Variants in NOTUM observed in about 807,000 individuals in gnomAD.
The protein encoded by NOTUM is notum, palmitoleoyl-protein carboxylesterase.
NOTUM carries 36 observed loss-of-function variants against 65.5 expected under a neutral mutation model. The observed-to-expected ratio is 0.55, with a 90% CI of 0.42 to 0.73. The LOEUF is 0.73. Among genes scored for constraint, NOTUM ranks in the 30% least tolerant of loss-of-function variants. NOTUM has a pLI of 0.00. For synonymous variants in NOTUM, 356 were observed against 297.9 expected, an observed-to-expected ratio of 1.20 and a Z score of -2.01; for missense variants, 659 against 694.2, an observed-to-expected ratio of 0.95 and a Z score of 0.57.
Position 81,959,517 on chromosome 17 carries a change from G to A in NOTUM, c.426C>T (p.Thr142=), listed in dbSNP as rs2041458120. 2 of 1,549,152 alleles carry A rather than the reference G, an allele frequency of 1.3e-6. No homozygotes were observed. The highest frequency in any genetic ancestry group is 1.7e-6 in the Non-Finnish European group (2 of 1,146,570). The change falls in exon 3 of 11, where the codon ACC becomes ACT. Residue 142 remains threonine (T), a synonymous_variant. Coordinates refer to ENST00000409678, the MANE Select transcript of NOTUM (RefSeq NM_178493.6). ...CCCGGGAGCTCATGAGGCGCCGCAT[G>A]GTGTCGTATCTGGAGTCGCAGTTCT... ...NRENCDSRYD[T]MRRLMSSRDW...
Position 81,960,374 on chromosome 17 carries a change from GT to G in NOTUM, c.323+212del, listed in dbSNP as rs2041465437. On this transcript the variant is annotated intron_variant, in intron 1 of 10. Coordinates refer to ENST00000409678, the MANE Select transcript of NOTUM (RefSeq NM_178493.6). This position sits in a 1 kb window ranked among gnomAD's most constrained non-coding sequence, Gnocchi z 6.4. ...GCTGGGCCCAGAGGCCGAGGGGTCA[GT>G]GCCCGAGCTGGCCGGGGACCAGCCC... 6.6e-6 allele frequency among the ~76,000 whole-genome samples: 1 copy of G among 152,216 alleles called. No homozygotes were observed. The highest frequency in any genetic ancestry group is 1.5e-5 in the Non-Finnish European group (1 of 68,032).
At chr17:81,957,995 G>T in intron 5 of NOTUM, 87 bp from the exon 6 acceptor site, 1 of 966,600 alleles carries the variant, frequency 1.0e-6, no homozygotes, top group Non-Finnish European at 1.6e-6. Context: ...AGAAGTTCTT[G>T]CCCCACTGGG....
Position 81,960,876 on chromosome 17 carries a change from T to TCAGCAG in NOTUM, c.28_33dup (p.Leu10_Leu11dup). Reference sequence around the variant, plus strand: ...CTGCCCCCGGCGCAGTGCAGCAGGCTCAGCAGCAGCAGCACGCGCACCCCT... The same window carrying TCAGCAG: ...CTGCCCCCGGCGCAGTGCAGCAGGCTCAGCAGCAGCAGCAGCAGCACGCGCACCCCT... On this transcript the variant is annotated inframe_insertion, in exon 1 of 11. Coordinates refer to ENST00000409678, the MANE Select transcript of NOTUM (RefSeq NM_178493.6). The surrounding 1 kb of genome is among the most constrained non-coding windows in gnomAD (Gnocchi z 6.4). The TCAGCAG allele has an allele frequency of 7.1e-7, 1 of 1,401,582 alleles. No homozygotes were observed. The allele number at this position is 1,401,582 out of a possible 1,614,324, so 86.8% of individuals were successfully genotyped here. A position where few individuals can be genotyped will look rare whatever the true frequency, so the allele number is the denominator to read the frequency against.
intron 3 of NOTUM, chr17:81,959,264 G>A: frequency 1.6e-6 from 1 of 610,784 alleles, no homozygotes. Context: ...CCCTGGGGAG[G>A]GCCAGAGCCG....
At chr17:81,955,617 C>T in intron 8 of NOTUM, 73 bp from the exon 9 acceptor site, 1 of 1,453,678 alleles carries the variant, frequency 6.9e-7, no homozygotes, top group South Asian at 1.2e-5. Flanking sequence ...CACAGCTCAG[C>T]ACCCCCAGGC....
rs1291226457 is a variant in NOTUM, at chr17:81,957,796, C to T, written c.695+10G>A. 2 of 1,587,968 alleles carry T rather than the reference C, an allele frequency of 1.3e-6. No individual in the cohort carries two copies. The highest frequency in any genetic ancestry group is 1.8e-5 in the Admixed American group (1 of 57,062). ...ACCCCTCACCTCCAGCCCTGCCCCGCCCTGCCCACCTGCTCCCGGCCAGCA... is the reference window on the plus strand; with the variant it reads ...ACCCCTCACCTCCAGCCCTGCCCCGTCCTGCCCACCTGCTCCCGGCCAGCA... On this transcript the variant is annotated intron_variant, in intron 6 of 10. Coordinates refer to ENST00000409678, the MANE Select transcript of NOTUM (RefSeq NM_178493.6).
At chr17:81,956,838 G>A (rs1042928953) in intron 7 of NOTUM, 45 bp downstream of exon 7, 22 of 1,596,798 alleles carry the variant, frequency 1.4e-5, no homozygotes, top group Non-Finnish European at 1.9e-5. Context: ...AGGCCCTTCT[G>A]GGGCAAAGCT....
intron 4 of NOTUM, 99 bp from the exon 5 acceptor site, chr17:81,958,492 G>A (rs547012154): frequency 3.7e-6 from 3 of 801,786 alleles, no homozygotes; most frequent in African/African-American, 3.4e-5. Context: ...ACCATCCCAG[G>A]ACAGGATTCC....
chr17:81,959,711 C>A lies in NOTUM; in HGVS notation c.324-19G>T. 7.0e-7 allele frequency: 1 copy of A among 1,430,296 alleles called. No homozygotes were observed. Among genetic ancestry groups the A allele is most frequent in the Non-Finnish European group, 9.2e-7 (1 of 1,086,690 alleles). 88.6% of individuals were successfully genotyped at this position (1,430,296 alleles called of 1,614,324 possible). A position where few individuals can be genotyped will look rare whatever the true frequency, so the allele number is the denominator to read the frequency against. ...GTAGTAGCTGCGGGGGAGGACGCAC[C>A]GCGGGGGGTCGGCCAGGGCTGCCGA... On this transcript the variant is annotated intron_variant, in intron 1 of 10. Transcript: ENST00000409678.
At chr17:81,959,617 C>G (rs946328148) in intron 2 of NOTUM, 23 bp downstream of exon 2, 1 of 1,545,916 alleles carries the variant, frequency 6.5e-7, no homozygotes, top group Non-Finnish European at 8.7e-7. Flanking sequence ...CCCGGCCTCC[C>G]CCCGCCTCAG....
At position 81,961,044 on chromosome 17, in the gene NOTUM, G is replaced by GACGCGC; in HGVS notation, c.-136_-135insGCGCGT. ...TGCTCCCTCGCCCCCGCTCCCGCCCGCCGGGCCTGGCGGAGAAGGCGCGCG... is the reference window on the plus strand; with the variant it reads ...TGCTCCCTCGCCCCCGCTCCCGCCCGACGCGCCCGGGCCTGGCGGAGAAGGCGCGCG... On this transcript the variant is annotated 5_prime_UTR_variant, in exon 1 of 11. Transcript: ENST00000409678. 1 of 286,528 alleles carries GACGCGC rather than the reference G, an allele frequency of 3.5e-6. No individual in the cohort carries two copies. The allele number at this position is 286,528 out of a possible 1,614,324, so 17.7% of individuals were successfully genotyped here.
chr17:81,955,378 C>T lies in NOTUM; in HGVS notation c.1136+19G>A. The T allele has an allele frequency of 6.5e-7, 1 of 1,546,634 alleles. No individual in the cohort carries two copies. The highest frequency in any genetic ancestry group is 8.8e-7 in the Non-Finnish European group (1 of 1,140,258). ...GAGGGAGCTACCCGGCGTGGGGCTC[C>T]CGGGGCCCACACACTCACGGCACGT... On this transcript the variant is annotated intron_variant, in intron 9 of 10. Coordinates refer to ENST00000409678, the MANE Select transcript of NOTUM (RefSeq NM_178493.6).
intron 1 of NOTUM, 72 bp from the exon 2 acceptor site, chr17:81,959,764 G>T: frequency 1.0e-6 from 1 of 967,686 alleles, no homozygotes; most frequent in Non-Finnish European, 1.4e-6. Flanking sequence ...GCCCAGCTCC[G>T]GCGGAGGGAA....
chr17:81,960,652 G>T lies in NOTUM; in HGVS notation c.258C>A (p.Asn86Lys). The T allele has an allele frequency of 6.3e-7, 1 of 1,579,816 alleles. No individual in the cohort carries two copies. Among genetic ancestry groups the T allele is most frequent in the Non-Finnish European group, 8.6e-7 (1 of 1,161,832 alleles). Residue 86 changes from asparagine (N) to lysine (K), a missense_variant, in exon 1 of 11, where the codon AAC (asparagine) becomes AAA (lysine). Transcript: ENST00000409678. The surrounding 1 kb of genome is among the most constrained non-coding windows in gnomAD (Gnocchi z 6.4). ...SLYPCSAQQL[N>K]EDLRLHLLLN... Reference sequence around the variant, plus strand: ...GTAGGAGGTGCAGGCGCAGGTCCTCGTTGAGCTGCTGCGCGGAGCAGGGGT... The same window carrying T: ...GTAGGAGGTGCAGGCGCAGGTCCTCTTTGAGCTGCTGCGCGGAGCAGGGGT...
At chr17:81,958,205 G>A (rs1045310097) in intron 5 of NOTUM, 130 bp downstream of exon 5, 2 of 696,486 alleles carry the variant, frequency 2.9e-6, no homozygotes, top group Non-Finnish European at 5.1e-6. Context: ...GCACGACAAG[G>A]CTGAGAGTCA....
At chr17:81,958,459 C>A in intron 4 of NOTUM, 66 bp from the exon 5 acceptor site, 1 of 1,044,728 alleles carries the variant, frequency 9.6e-7, no homozygotes, top group Non-Finnish European at 1.5e-6. Flanking sequence ...GAAAGGACCC[C>A]CAGAACAGGA....
rs755956448 is a variant in NOTUM, at chr17:81,955,534, G to C, written c.999C>G (p.Phe333Leu). 1.2e-6 allele frequency: 2 copies of C among 1,610,524 alleles called. No individual in the cohort carries two copies. The highest frequency in any genetic ancestry group is 2.2e-5 in the East Asian group (1 of 44,814). ...CCTCGTCAAACAGCCACTGCACCAC[G>C]AACACAGGGCCTGCGGGCGGCGGGG... ...KVYPTLRCPV[F>L]VVQWLFDEAQ... The change falls in exon 9 of 11, where the codon TTC (phenylalanine) becomes TTG (leucine). Residue 333 changes from phenylalanine (F) to leucine (L), a missense_variant. By Grantham distance (22) the Phe-to-Leu change is conservative (BLOSUM62 0). Transcript: ENST00000409678.
rs1448000613 is a variant in NOTUM at position 81,961,138 on chromosome 17, G to T, written c.-229C>A. On this transcript the variant is annotated 5_prime_UTR_variant, in exon 1 of 11. Coordinates refer to ENST00000409678, the MANE Select transcript of NOTUM (RefSeq NM_178493.6). ...CGCAGCTGGGGCTCCGCGCCCGGCC[G>T]TCCGAGGGCAGCGCAGGGTCTGGGT... 6.6e-6 allele frequency: 1 copy of T among 150,468 alleles called. No homozygotes were observed. The highest frequency in any genetic ancestry group is 1.5e-5 in the Non-Finnish European group (1 of 68,308). The allele number at this position is 150,468 out of a possible 1,614,324, so 9.3% of individuals were successfully genotyped here. A position where few individuals can be genotyped will look rare whatever the true frequency, so the allele number is the denominator to read the frequency against.
At position 81,954,196 on chromosome 17, in the gene NOTUM, G is replaced by A; in HGVS notation, c.1184+60C>T. 5 of 1,240,918 alleles carry A rather than the reference G, an allele frequency of 4.0e-6. No individual in the cohort carries two copies. The South Asian group carries it at 4.8e-5, about 12-fold the overall frequency. 76.9% of individuals were successfully genotyped at this position (1,240,918 alleles called of 1,614,324 possible). A position where few individuals can be genotyped will look rare whatever the true frequency, so the allele number is the denominator to read the frequency against. ...ATGGGAGGCCAAGTGCGGTTGGGGA[G>A]CATGTGGACTTTTGAAGTTGATGTC... On this transcript the variant is annotated intron_variant, in intron 10 of 10. Transcript: ENST00000409678.
Sources: gnomAD v4.1 joint callset for allele counts (sites outside exome capture counted in the v4.1 genomes callset) on GRCh38, gnomAD v4.1.1 for gene constraint, Gnocchi (gnomAD v3.1) non-coding constraint, MANE v1.5 for transcripts, NCBI Gene and HGNC (gene_info 2026-07-23, HGNC 2026-07-21) for gene names.